Variants in FOXJ3 observed in about 807,000 individuals in gnomAD.
The protein encoded by FOXJ3 is forkhead box J3, also known as forkhead box protein J3.
A neutral mutation model predicts 76.1 loss-of-function variants in FOXJ3; 22 were observed. That is an observed-to-expected ratio of 0.29 (90% confidence interval 0.21 to 0.41). The LOEUF is 0.41. Ranked by LOEUF, FOXJ3 falls within the 10% of genes least tolerant of loss-of-function variation. FOXJ3 has a pLI of 1.00. For synonymous variants in FOXJ3, 269 were observed against 261.2 expected (o/e 1.03, Z -0.29); for missense variants, 613 against 762.1 (o/e 0.80, Z 2.30).
intron 4 of FOXJ3, among the ~76,000 whole-genome samples, chr1:42,231,365 T>C (rs1439056483): frequency 6.6e-6 from 1 of 151,944 alleles, no homozygotes; most frequent in Non-Finnish European, 1.5e-5. Flanking sequence ...CGAGGGATAC[T>C]CTGACACATA....
At chr1:42,203,004 C>T (rs1376169307) in intron 6 of FOXJ3, among the ~76,000 whole-genome samples, 28 of 152,144 alleles carry the variant, frequency 1.8e-4, no homozygotes. Context: ...CCCCATGTCC[C>T]ATTTACCTCT....
At chr1:42,315,593 G>A (rs946188404) in intron 1 of FOXJ3, 7 of 165,548 alleles carry the variant, frequency 4.2e-5, no homozygotes, top group Admixed American at 6.5e-5. Context: ...CTAGATTACC[G>A]TCCTTAAATG....
At chr1:42,186,476 C>T (rs1459632816) in intron 11 of FOXJ3, among the ~76,000 whole-genome samples, 1 of 152,000 alleles carries the variant, frequency 6.6e-6, no homozygotes, top group Non-Finnish European at 1.5e-5. Flanking sequence ...CTGAGAATCA[C>T]GAAGGTGTCA....
rs1326086053 is a variant in FOXJ3 at position 42,278,557 on chromosome 1, A to C, written c.160T>G (p.Ser54Ala). 4 of 1,614,022 alleles carry C rather than the reference A, an allele frequency of 2.5e-6. No homozygotes were observed. Among genetic ancestry groups the C allele is most frequent in the Admixed American group, 1.7e-5 (1 of 60,010 alleles). The change falls in exon 3 of 13, where the codon TCT becomes GCT. Residue 54 changes from serine to alanine, a missense_variant. By Grantham distance (99) the Ser-to-Ala change is moderately conservative (BLOSUM62 1). This residue lies in a region of FOXJ3 where 77 missense variants were observed against 115.1 expected (regional missense o/e 0.67). Coordinates refer to ENST00000361346, the MANE Select transcript of FOXJ3 (RefSeq NM_014947.5). The stretch of plus-strand genomic sequence containing the variant: ...GGGTCAAGGAGTGCATTCTTCTTAG[A>C]AATTCCTGTTCCATGTGCATTTTGT... Reference protein sequence around the residue: ...ATQNAHGTGISKKNALLDPNT... With the variant: ...ATQNAHGTGIAKKNALLDPNT...
chr1:42,214,016 C>G (rs1647017994), intron 5 of FOXJ3, among the ~76,000 whole-genome samples: 1 of 151,750 alleles, frequency 6.6e-6, no homozygotes, highest in Admixed American at 6.6e-5. Context: ...CACACTGTAC[C>G]CCATAAATAT....
intron 11 of FOXJ3, among the ~76,000 whole-genome samples, chr1:42,183,279 G>A (rs1646361879): frequency 8.2e-6 from 1 of 122,516 alleles, no homozygotes; most frequent in South Asian, 3.4e-4. Flanking sequence ...GGAGAGCGGA[G>A]AGGGTGGAGC....
intron 4 of FOXJ3, among the ~76,000 whole-genome samples, chr1:42,262,961 T>C (rs1048604062): frequency 2.6e-5 from 4 of 152,046 alleles, no homozygotes; most frequent in Non-Finnish European, 4.4e-5. Context: ...TATTTACTTA[T>C]TATGACCAAA....
intron 4 of FOXJ3, among the ~76,000 whole-genome samples, chr1:42,251,654 T>G (rs186333861): frequency 1.3e-5 from 2 of 151,948 alleles, no homozygotes; most frequent in African/African-American, 4.8e-5. Context: ...TGAAGCCCAC[T>G]TGATCATGGT....
At chr1:42,222,429 T>C (rs1647249911) in intron 5 of FOXJ3, among the ~76,000 whole-genome samples, 2 of 152,112 alleles carry the variant, frequency 1.3e-5, no homozygotes, top group African/African-American at 4.8e-5. Flanking sequence ...AACTAGTAGT[T>C]ATGCTGAGAC....
chr1:42,228,233 C>A (rs1426887490), intron 4 of FOXJ3, among the ~76,000 whole-genome samples: 1 of 152,038 alleles, frequency 6.6e-6, no homozygotes, highest in African/African-American at 2.4e-5. Context: ...AAATGATCAA[C>A]AAAACACATT....
At position 42,191,327 on chromosome 1, in the gene FOXJ3, G is replaced by A; in HGVS notation, c.1327C>T (p.Pro443Ser). Residue 443 changes from proline (P) to serine (S), a missense_variant, in exon 9 of 13, where the codon CCA becomes TCA. Physicochemically the swap from Pro to Ser is moderately conservative, Grantham distance 74. Transcript: ENST00000361346. ...QTLTHQAPPP[P>S]QQVSCNSGVS... is the part of the protein sequence containing the mutation. ...CCAGAATTACAGGATACCTGTTGTGGGGGTGGGGGTGCCTGATGTGTTAAC... is the reference window on the plus strand; with the variant it reads ...CCAGAATTACAGGATACCTGTTGTGAGGGTGGGGGTGCCTGATGTGTTAAC... 6.5e-7 allele frequency: 1 copy of A among 1,549,182 alleles called. No individual in the cohort carries two copies. Among genetic ancestry groups the A allele is most frequent in the East Asian group, 2.3e-5 (1 of 44,130 alleles).
At chr1:42,324,198 CTA>C (rs200502313) in intron 1 of FOXJ3, among the ~76,000 whole-genome samples, 80,766 of 111,346 alleles carry the variant, frequency 0.73, 27,987 homozygotes, top group Admixed American at 0.81. Context: ...AATATATATA[CTA>C]TATATATACT....
At chr1:42,327,678 G>C (rs1373574600) in intron 1 of FOXJ3, among the ~76,000 whole-genome samples, 1 of 151,774 alleles carries the variant, frequency 6.6e-6, no homozygotes, top group East Asian at 1.9e-4. Flanking sequence ...GGTGTCAAAG[G>C]TCAGGTCCCA....
intron 2 of FOXJ3, among the ~76,000 whole-genome samples, chr1:42,308,441 C>T (rs1322132731): frequency 1.3e-5 from 2 of 152,122 alleles, no homozygotes; most frequent in African/African-American, 2.4e-5. Context: ...ACAATACTGG[C>T]TTCCACTAAG....
rs1315421258 is a variant in FOXJ3 at position 42,178,700 on chromosome 1, G to C, written c.*1010C>G. On this transcript the variant is annotated 3_prime_UTR_variant, in exon 13 of 13. Transcript: ENST00000361346. Reference sequence around the variant, plus strand: ...CTCGGGAGGCTGAGGCAGGAGAATTGCTTGAACCCGGGAGGCGGAGGTTGC... The same window carrying C: ...CTCGGGAGGCTGAGGCAGGAGAATTCCTTGAACCCGGGAGGCGGAGGTTGC... 6.6e-6 allele frequency: 1 copy of C among 151,156 alleles called. No individual in the cohort carries two copies. The allele number at this position is 151,156 out of a possible 1,614,324, so 9.4% of individuals were successfully genotyped here. A position where few individuals can be genotyped will look rare whatever the true frequency, so the allele number is the denominator to read the frequency against.
chr1:42,224,885 G>C (rs1201690883), intron 5 of FOXJ3, among the ~76,000 whole-genome samples: 1 of 151,800 alleles, frequency 6.6e-6, no homozygotes, highest in African/African-American at 2.4e-5. Flanking sequence ...CCAGGAGTTT[G>C]AGACCAGCCT....
intron 3 of FOXJ3, among the ~76,000 whole-genome samples, chr1:42,271,921 G>A (rs1570118482): frequency 6.6e-6 from 1 of 152,336 alleles, no homozygotes; most frequent in East Asian, 1.9e-4. Context: ...TGGGATTATA[G>A]GCATGAGCCA....
At chr1:42,269,331 G>A (rs1057297199) in intron 3 of FOXJ3, among the ~76,000 whole-genome samples, 1 of 152,156 alleles carries the variant, frequency 6.6e-6, no homozygotes, top group Non-Finnish European at 1.5e-5. Context: ...AAGATGGTCA[G>A]AAGAAACAAG....
At chr1:42,267,275 A>G (rs1314426175) in intron 3 of FOXJ3, among the ~76,000 whole-genome samples, 2 of 152,134 alleles carry the variant, frequency 1.3e-5, no homozygotes, top group African/African-American at 2.4e-5. Context: ...AGAAATCCCC[A>G]TGTGTAAAAA....
Sources: allele counts gnomAD v4.1 joint callset (sites outside exome capture counted in the v4.1 genomes callset), GRCh38; gene constraint gnomAD v4.1.1; regional missense constraint gnomAD v4.1.1; transcripts MANE v1.5; gene names NCBI Gene and HGNC (gene_info 2026-07-23, HGNC 2026-07-21).